The following LIN7A variants were observed in gnomAD, a reference collection of about 807,000 sequenced individuals.
LIN7A encodes the protein protein lin-7 homolog A.
Under a neutral mutation model 29.8 loss-of-function variants are expected in LIN7A, and 25 were observed. That is an observed-to-expected ratio of 0.84 (90% CI 0.61 to 1.17). The LOEUF (loss-of-function observed/expected upper bound fraction) is 1.17. LIN7A is among the 50% of genes most tolerant of loss of function. The probability of loss-of-function intolerance (pLI) is 0.00; values close to 1 mark genes in which losing one functional copy is unlikely to be tolerated. For missense variants in LIN7A, 239 were observed against 287.0 expected, an observed-to-expected ratio of 0.83 and a Z score of 1.21; for synonymous variants, 118 against 107.5, an observed-to-expected ratio of 1.10 and a Z score of -0.60.
chr12:80,807,067 T>TTTTTTGTTTTTTTTTTTTTTTGTTG (rs1555221329), intron 5 of LIN7A, among the ~76,000 whole-genome samples: 2 of 69,546 alleles, frequency 2.9e-5, no homozygotes, highest in East Asian at 3.5e-4. Flanking sequence ...GATGGAGTTT[T>TTTTTTGTTTTTTTTTTTTTTTGTTG]TTTTTTTTTT....
At chr12:80,870,554 A>T (rs756913635) in intron 2 of LIN7A, among the ~76,000 whole-genome samples, 3 of 152,224 alleles carry the variant, frequency 2.0e-5, no homozygotes, top group Non-Finnish European at 4.4e-5. Flanking sequence ...CGTTCTTCTT[A>T]TAACAACATG....
intron 4 of LIN7A, among the ~76,000 whole-genome samples, chr12:80,824,743 A>C (rs1029265842): frequency 5.9e-5 from 9 of 152,258 alleles, no homozygotes; most frequent in African/African-American, 2.2e-4. Context: ...ACACCACATA[A>C]ACAGAATTAA....
intron 2 of LIN7A, among the ~76,000 whole-genome samples, chr12:80,876,119 A>T (rs1002385322): frequency 7.2e-5 from 11 of 152,246 alleles, no homozygotes; most frequent in Admixed American, 2.6e-4. Flanking sequence ...AGAGACAGAG[A>T]GAGAGAGTGA....
intron 2 of LIN7A, among the ~76,000 whole-genome samples, chr12:80,864,750 C>T (rs1034538980): frequency 3.3e-5 from 5 of 152,162 alleles, no homozygotes; most frequent in Non-Finnish European, 7.4e-5. Flanking sequence ...TTTCATAAGA[C>T]ATTTTCTCTC....
chr12:80,930,952 G>A (rs1284694022), intron 1 of LIN7A, among the ~76,000 whole-genome samples: 1 of 152,166 alleles, frequency 6.6e-6, no homozygotes, highest in Non-Finnish European at 1.5e-5. Flanking sequence ...GCCACACAAT[G>A]TGCTGGGTTC....
At chr12:80,853,037 C>T (rs540926821) in intron 2 of LIN7A, among the ~76,000 whole-genome samples, 1 of 152,268 alleles carries the variant, frequency 6.6e-6, no homozygotes, top group South Asian at 2.1e-4. Flanking sequence ...GATGTCAGTT[C>T]TGATTACATG....
chr12:80,817,623 G>T (rs1266435476), intron 4 of LIN7A, among the ~76,000 whole-genome samples: 3 of 152,002 alleles, frequency 2.0e-5, no homozygotes, highest in African/African-American at 7.3e-5. Flanking sequence ...GACATCAAGG[G>T]TATTAGGTAA....
intron 5 of LIN7A, among the ~76,000 whole-genome samples, chr12:80,807,076 T>TTTTTTTTTGTTGTTG (rs1592848384): frequency 7.9e-6 from 1 of 126,042 alleles, no homozygotes; most frequent in African/African-American, 3.3e-5. Flanking sequence ...TTTTTTTTTT[T>TTTTTTTTTGTTGTTG]TTTTTTTTTT....
intron 5 of LIN7A, among the ~76,000 whole-genome samples, chr12:80,809,721 AG>A (rs1447689959): frequency 2.0e-5 from 3 of 152,218 alleles, no homozygotes; most frequent in Non-Finnish European, 4.4e-5. Context: ...GGAACTTCTA[AG>A]ATGGGGTCTC....
chr12:80,864,906 G>T (rs1344707071), intron 2 of LIN7A, among the ~76,000 whole-genome samples: 2 of 152,118 alleles, frequency 1.3e-5, no homozygotes, highest in Non-Finnish European at 2.9e-5. Context: ...AAGTTAGTTT[G>T]TAAAGGGGGA....
At chr12:80,838,501 T>C (rs1872679162) in intron 4 of LIN7A, among the ~76,000 whole-genome samples, 1 of 152,216 alleles carries the variant, frequency 6.6e-6, no homozygotes, top group South Asian at 2.1e-4. Context: ...TTTGTGCTCT[T>C]CTGAAAGTGA....
At chr12:80,826,119 T>G (rs1328600004) in intron 4 of LIN7A, among the ~76,000 whole-genome samples, 1 of 152,226 alleles carries the variant, frequency 6.6e-6, no homozygotes, top group Non-Finnish European at 1.5e-5. Flanking sequence ...GAAGTCAAAA[T>G]TTAAAGGCTA....
chr12:80,893,928 C>T (rs1420803088), intron 1 of LIN7A, among the ~76,000 whole-genome samples: 1 of 152,120 alleles, frequency 6.6e-6, no homozygotes, highest in Non-Finnish European at 1.5e-5. Flanking sequence ...GTCTGAAAAC[C>T]AGAAGTGGGA....
chr12:80,803,258 T>C (rs1253671152), intron 5 of LIN7A, among the ~76,000 whole-genome samples: 2 of 152,218 alleles, frequency 1.3e-5, no homozygotes, highest in Non-Finnish European at 2.9e-5. Context: ...AGTTTCACAG[T>C]TTCAAGTCTT....
chr12:80,829,698 T>G (rs1471578843), intron 4 of LIN7A, among the ~76,000 whole-genome samples: 2 of 152,166 alleles, frequency 1.3e-5, no homozygotes, highest in Non-Finnish European at 2.9e-5. Flanking sequence ...GAAAATGAAA[T>G]GAGTTGGCTT....
chr12:80,910,090 C>G (rs1165302878), intron 1 of LIN7A, among the ~76,000 whole-genome samples: 2 of 152,064 alleles, frequency 1.3e-5, no homozygotes, highest in African/African-American at 2.4e-5. Flanking sequence ...CTTCAGTAAA[C>G]AATTTTTGCA....
At chr12:80,862,046 C>T (rs894245615) in intron 2 of LIN7A, among the ~76,000 whole-genome samples, 4 of 152,070 alleles carry the variant, frequency 2.6e-5, no homozygotes, top group Admixed American at 2.0e-4. Flanking sequence ...AGTTGTGTGA[C>T]CCTCAAAATA....
chr12:80,928,107 T>C (rs886275440), intron 1 of LIN7A, among the ~76,000 whole-genome samples: 4 of 152,204 alleles, frequency 2.6e-5, no homozygotes, highest in Non-Finnish European at 5.9e-5. Flanking sequence ...CAGTCTATCA[T>C]TGATGGACAT....
chr12:80,812,450 TAAAAAAAAAA>T (rs199686456), intron 4 of LIN7A, among the ~76,000 whole-genome samples: 2,301 of 131,504 alleles, frequency 0.017, 38 homozygotes, highest in Admixed American at 0.042. Context: ...TCAAACACTG[TAAAAAAAAAA>T]AAAAAAAAAA....
Sources: gnomAD v4.1 joint callset for allele counts (sites outside exome capture counted in the v4.1 genomes callset) on GRCh38, gnomAD v4.1.1 for gene constraint, MANE v1.5 for transcripts, NCBI Gene and HGNC (gene_info 2026-07-23, HGNC 2026-07-21) for gene names.